The following RAPGEF4 variants were observed in gnomAD, a reference collection of about 807,000 sequenced individuals.
The protein encoded by RAPGEF4 is Rap guanine nucleotide exchange factor 4.
A neutral mutation model predicts 147.9 loss-of-function variants in RAPGEF4; 66 were observed. The observed-to-expected ratio is 0.45, with a 90% CI of 0.37 to 0.55. RAPGEF4 has a LOEUF of 0.55. Among genes scored for constraint, RAPGEF4 ranks in the 20% least tolerant of loss-of-function variants. RAPGEF4 has a pLI of 0.00. For synonymous variants in RAPGEF4, 419 were observed against 442.7 expected (o/e 0.95, Z 0.67); for missense variants, 1,071 against 1,257.3 (o/e 0.85, Z 2.24).
intron 15 of RAPGEF4, among the ~76,000 whole-genome samples, chr2:172,996,265 C>T (rs541947460): frequency 1.1e-4 from 16 of 152,104 alleles, no homozygotes; most frequent in African/African-American, 3.4e-4. Context: ...TTTGTAGTAA[C>T]GACTTCACTT....
chr2:172,853,682 A>C (rs958987289), intron 4 of RAPGEF4, among the ~76,000 whole-genome samples: 10 of 151,858 alleles, frequency 6.6e-5, no homozygotes, highest in Non-Finnish European at 1.0e-4. Context: ...TAAAGCTATA[A>C]ATTTCCTCTA....
At chr2:172,950,301 C>A (rs888755937) in intron 6 of RAPGEF4, among the ~76,000 whole-genome samples, 8 of 152,086 alleles carry the variant, frequency 5.3e-5, no homozygotes, top group Non-Finnish European at 1.2e-4. Context: ...TCAGTGGTAC[C>A]CAGTGGCGGG....
intron 10 of RAPGEF4, among the ~76,000 whole-genome samples, chr2:172,973,922 C>T (rs1690786190): frequency 6.6e-6 from 1 of 152,122 alleles, no homozygotes; most frequent in Admixed American, 6.5e-5. Context: ...CTATTCTTAC[C>T]AGTTTATCAT....
chr2:172,740,175 A>G (rs1190881130), intron 1 of RAPGEF4, among the ~76,000 whole-genome samples: 1 of 152,226 alleles, frequency 6.6e-6, no homozygotes, highest in Admixed American at 6.5e-5. Flanking sequence ...AAAGTTTGCC[A>G]TCTTTTGTTA....
rs1684864251 is a variant in RAPGEF4 at position 173,042,343 on chromosome 2, G to C, written c.2853+5651G>C. 6.6e-6 allele frequency among the ~76,000 whole-genome samples: 1 copy of C among 152,168 alleles called. No individual in the cohort carries two copies. Among genetic ancestry groups the C allele is most frequent in the African/African-American group, 2.4e-5 (1 of 41,436 alleles). On this transcript the variant is annotated intron_variant, in intron 29 of 30. Transcript: ENST00000397081. The surrounding 1 kb of genome is among the most constrained non-coding windows in gnomAD (Gnocchi z 4.2). Reference sequence around the variant, plus strand: ...GTGTCTTCTATTTTATTAGAAAATTGGATGAATCAACTGGGCACAGTGGCT... The same window carrying C: ...GTGTCTTCTATTTTATTAGAAAATTCGATGAATCAACTGGGCACAGTGGCT...
intron 4 of RAPGEF4, among the ~76,000 whole-genome samples, chr2:172,864,436 C>CT (rs1328180902): frequency 6.6e-6 from 1 of 152,178 alleles, no homozygotes; most frequent in African/African-American, 2.4e-5. Context: ...GAAGTTGTCT[C>CT]TTGAGTCTGG....
chr2:173,026,385 T>A (rs1696666776), intron 23 of RAPGEF4, among the ~76,000 whole-genome samples, 187 bp from the exon 24 acceptor site: 1 of 152,142 alleles, frequency 6.6e-6, no homozygotes, highest in African/African-American at 2.4e-5. Context: ...TAATGATGAT[T>A]GGTGACTTAC....
intron 4 of RAPGEF4, among the ~76,000 whole-genome samples, chr2:172,876,833 C>T (rs1033331810): frequency 2.0e-5 from 3 of 152,138 alleles, no homozygotes; most frequent in African/African-American, 7.2e-5. Context: ...GGTACCAGCT[C>T]CTCCTTGTAT....
chr2:172,904,852 G>A (rs1699458261), intron 4 of RAPGEF4, among the ~76,000 whole-genome samples: 1 of 151,466 alleles, frequency 6.6e-6, no homozygotes, highest in Non-Finnish European at 1.5e-5. Flanking sequence ...CATCCTCCAA[G>A]CAGCAGGCAG....
At chr2:172,933,573 T>C (rs1177266652) in intron 6 of RAPGEF4, among the ~76,000 whole-genome samples, 1 of 152,074 alleles carries the variant, frequency 6.6e-6, no homozygotes, top group Non-Finnish European at 1.5e-5. Flanking sequence ...AGATAGATGA[T>C]AGGGATTTGC....
chr2:172,945,782 C>A (rs1182261587), intron 6 of RAPGEF4, among the ~76,000 whole-genome samples: 2 of 152,040 alleles, frequency 1.3e-5, no homozygotes, highest in Non-Finnish European at 2.9e-5. Flanking sequence ...TGATCTATTT[C>A]TTCCACATTA....
intron 6 of RAPGEF4, among the ~76,000 whole-genome samples, chr2:172,939,679 A>G (rs1686954196): frequency 6.6e-6 from 1 of 152,034 alleles, no homozygotes; most frequent in African/African-American, 2.4e-5. Context: ...TTGTTGTTGT[A>G]TCTAACTTAT....
intron 4 of RAPGEF4, among the ~76,000 whole-genome samples, chr2:172,816,009 C>T (rs1054879615): frequency 2.6e-5 from 4 of 151,972 alleles, no homozygotes; most frequent in African/African-American, 9.7e-5. Context: ...ACTACTTTAT[C>T]GTAAATGATA....
chr2:172,813,606 T>A (rs1688223440), intron 3 of RAPGEF4, among the ~76,000 whole-genome samples: 1 of 146,310 alleles, frequency 6.8e-6, no homozygotes, highest in Non-Finnish European at 1.5e-5. Flanking sequence ...TCCACCACTC[T>A]GACCCTCAGT....
chr2:173,049,970 G>A (rs1399306110), intron 30 of RAPGEF4, among the ~76,000 whole-genome samples: 3 of 152,200 alleles, frequency 2.0e-5, no homozygotes, highest in East Asian at 1.9e-4. Flanking sequence ...ATGCCAAATC[G>A]TGTGTGCCTG....
At chr2:172,896,995 G>C (rs745527332) in intron 4 of RAPGEF4, among the ~76,000 whole-genome samples, 2 of 152,226 alleles carry the variant, frequency 1.3e-5, no homozygotes, top group South Asian at 2.1e-4. Context: ...TTTGGGCTCC[G>C]TGTGGGTAAA....
At chr2:173,019,918 A>C (rs1695896449) in intron 22 of RAPGEF4, among the ~76,000 whole-genome samples, 1 of 151,492 alleles carries the variant, frequency 6.6e-6, no homozygotes, top group African/African-American at 2.4e-5. Flanking sequence ...TTGCCTTCTC[A>C]CTCTGTAATC....
intron 3 of RAPGEF4, among the ~76,000 whole-genome samples, chr2:172,813,944 G>GC (rs1181457594): frequency 6.6e-6 from 1 of 152,138 alleles, no homozygotes; most frequent in Non-Finnish European, 1.5e-5. Flanking sequence ...ATTATGTTGA[G>GC]CAAAAAAGAA....
At chr2:172,752,853 G>T (rs550405749) in intron 1 of RAPGEF4, among the ~76,000 whole-genome samples, 1 of 152,324 alleles carries the variant, frequency 6.6e-6, no homozygotes, top group South Asian at 2.1e-4. Flanking sequence ...TACATTATCA[G>T]CTTGTGAATG....
Sources: gnomAD v4.1 joint callset for allele counts (sites outside exome capture counted in the v4.1 genomes callset) on GRCh38, gnomAD v4.1.1 for gene constraint, Gnocchi (gnomAD v3.1) non-coding constraint, MANE v1.5 for transcripts, NCBI Gene and HGNC (gene_info 2026-07-23, HGNC 2026-07-21) for gene names.